NAALADL2: variants seen among roughly 807,000 people sequenced by gnomAD.
NAALADL2 encodes inactive N-acetylated-alpha-linked acidic dipeptidase-like protein 2.
NAALADL2 carries 76 observed loss-of-function variants against 87.2 expected under a neutral mutation model. The observed-to-expected ratio is 0.87, with a 90% CI of 0.72 to 1.05. The LOEUF is 1.05. Ranked by LOEUF, NAALADL2 falls within the 50% of genes least tolerant of loss-of-function variation. NAALADL2 has a pLI of 0.00. For synonymous variants in NAALADL2, 354 were observed against 331.0 expected (o/e 1.07, Z -0.75); for missense variants, 1,089 against 945.8 (o/e 1.15, Z -1.99).
chr3:175,500,643 T>G lies in NAALADL2; in HGVS notation c.1653+28885T>G, dbSNP rs545607820. On this transcript the variant is annotated intron_variant, in intron 9 of 13. Transcript: ENST00000454872. The stretch of plus-strand genomic sequence containing the variant: ...ACAATTATCCTGTGTCAGGCATGCT[T>G]AATGTGCTTCTCTATTATCAAGTAC... Among the ~76,000 whole-genome samples the G allele has an allele frequency of 3.3e-5, 5 of 152,234 alleles. No homozygotes were observed. The South Asian group carries it at 6.2e-4, about 19-fold the overall frequency.
At chr3:175,287,378 CCAAA>C (rs1204557144) in intron 4 of NAALADL2, among the ~76,000 whole-genome samples, 2 of 152,102 alleles carry the variant, frequency 1.3e-5, no homozygotes, top group Admixed American at 6.6e-5. Flanking sequence ...TTAGCTACCC[CCAAA>C]CAATGAAAAT....
intron 13 of NAALADL2, among the ~76,000 whole-genome samples, chr3:175,791,314 A>G (rs566491906): frequency 6.6e-6 from 1 of 152,312 alleles, no homozygotes; most frequent in Non-Finnish European, 1.5e-5. Flanking sequence ...CCTGTTTTCT[A>G]TATGGGGTGA....
intron 1 of NAALADL2, among the ~76,000 whole-genome samples, chr3:175,050,201 T>C (rs1005243474): frequency 1.3e-5 from 2 of 152,206 alleles, no homozygotes; most frequent in Non-Finnish European, 2.9e-5. Context: ...CAACCCGTGA[T>C]ACTGAGCTGG....
intron 11 of NAALADL2, among the ~76,000 whole-genome samples, chr3:175,662,197 G>A (rs1032061404): frequency 5.3e-5 from 8 of 151,568 alleles, no homozygotes; most frequent in South Asian, 2.1e-4. Flanking sequence ...TCCTTGCAGC[G>A]ATCTTTTATT....
At chr3:174,888,662 T>C (rs1266683483) in intron 1 of NAALADL2, among the ~76,000 whole-genome samples, 1 of 152,210 alleles carries the variant, frequency 6.6e-6, no homozygotes, top group African/African-American at 2.4e-5. Context: ...TTATCAAGCT[T>C]ATCAACCTTG....
intron 2 of NAALADL2, among the ~76,000 whole-genome samples, chr3:174,630,979 A>C (rs1203164100): frequency 6.6e-6 from 1 of 152,134 alleles, no homozygotes; most frequent in Non-Finnish European, 1.5e-5. Flanking sequence ...TACCTTTCAC[A>C]CACCACTCCA....
chr3:175,315,450 G>A (rs1759016820), intron 4 of NAALADL2, among the ~76,000 whole-genome samples: 1 of 152,116 alleles, frequency 6.6e-6, no homozygotes, highest in South Asian at 2.1e-4. Flanking sequence ...ATCAGTAATG[G>A]ACATTTTGTA....
intron 3 of NAALADL2, among the ~76,000 whole-genome samples, chr3:174,844,709 CT>C (rs1453087966): frequency 7.8e-6 from 1 of 128,170 alleles, no homozygotes; most frequent in Non-Finnish European, 1.6e-5. Flanking sequence ...AGATCTTTTA[CT>C]TCCTTGCTTA....
intron 3 of NAALADL2, among the ~76,000 whole-genome samples, chr3:174,832,262 C>A (rs538026593): frequency 2.0e-5 from 3 of 152,136 alleles, no homozygotes; most frequent in African/African-American, 7.2e-5. Context: ...ATAAATTTCC[C>A]TCTACACACT....
At chr3:174,866,621 T>C (rs1265143671) in intron 1 of NAALADL2, among the ~76,000 whole-genome samples, 2 of 151,804 alleles carry the variant, frequency 1.3e-5, no homozygotes, top group South Asian at 2.1e-4. Context: ...GTGTTTTGCA[T>C]TTATTTTGGT....
In NAALADL2 at chr3:175,641,792, TTAAG is replaced by T. The variant is rs1289605945; in HGVS notation, c.1896+14411_1896+14414del. On this transcript the variant is annotated intron_variant, in intron 11 of 13. Coordinates refer to ENST00000454872, the MANE Select transcript of NAALADL2 (RefSeq NM_207015.3). ...TTTGTAGATTATTAAAAATTACAAA[TTAAG>T]TAAGAAAGGAAGAAAATAAATATTG... 3.9e-5 allele frequency among the ~76,000 whole-genome samples: 6 copies of T among 152,132 alleles called. No homozygotes were observed. In the East Asian group the frequency reaches 1.2e-3, roughly 29 times the overall value.
chr3:175,591,982 G>A (rs9864215), intron 10 of NAALADL2, among the ~76,000 whole-genome samples: 114,718 of 151,682 alleles, frequency 0.76, 43,484 homozygotes, highest in East Asian at 0.88. Context: ...AATCAGAGAG[G>A]TAGTCATTTC....
intron 1 of NAALADL2, among the ~76,000 whole-genome samples, chr3:174,993,249 T>G (rs1445691158): frequency 1.3e-5 from 2 of 151,356 alleles, no homozygotes; most frequent in Non-Finnish European, 3.0e-5. Context: ...AGAGAAAGAG[T>G]TATAAGGATT....
intron 9 of NAALADL2, among the ~76,000 whole-genome samples, chr3:175,533,855 A>G (rs1307761577): frequency 6.6e-6 from 1 of 152,152 alleles, no homozygotes; most frequent in Non-Finnish European, 1.5e-5. Context: ...GCCAGGAGTT[A>G]GAATTCCTGA....
intron 2 of NAALADL2, among the ~76,000 whole-genome samples, chr3:174,628,512 A>G (rs909698483): frequency 6.7e-6 from 1 of 148,350 alleles, no homozygotes; most frequent in African/African-American, 2.5e-5. Context: ...ATCTATTTCT[A>G]TTCCCTGTTT....
At chr3:175,774,557 T>C (rs1327163766) in intron 13 of NAALADL2, among the ~76,000 whole-genome samples, 1 of 151,952 alleles carries the variant, frequency 6.6e-6, no homozygotes, top group Non-Finnish European at 1.5e-5. Context: ...GCCTGACTCA[T>C]TGGTTTGTTT....
intron 1 of NAALADL2, among the ~76,000 whole-genome samples, chr3:175,015,066 G>A (rs1044865775): frequency 2.6e-5 from 4 of 152,026 alleles, no homozygotes; most frequent in African/African-American, 7.2e-5. Context: ...TTACAAACAA[G>A]TCAATTGTGC....
chr3:175,458,931 T>G (rs1469643700), intron 6 of NAALADL2, among the ~76,000 whole-genome samples: 1 of 152,142 alleles, frequency 6.6e-6, no homozygotes, highest in Non-Finnish European at 1.5e-5. Flanking sequence ...CTTCAATGGC[T>G]TATCTCATTG....
intron 3 of NAALADL2, among the ~76,000 whole-genome samples, chr3:174,765,725 T>C (rs562551119): frequency 6.6e-6 from 1 of 152,340 alleles, no homozygotes; most frequent in Admixed American, 6.5e-5. Flanking sequence ...TTTATATTAT[T>C]CAGTAGAATG....
Sources: gnomAD v4.1 joint callset for allele counts (sites outside exome capture counted in the v4.1 genomes callset) on GRCh38, gnomAD v4.1.1 for gene constraint, MANE v1.5 for transcripts, NCBI Gene and HGNC (gene_info 2026-07-23, HGNC 2026-07-21) for gene names.